Variants in MINDY2 observed in about 807,000 individuals in gnomAD.
The protein encoded by MINDY2 is ubiquitin carboxyl-terminal hydrolase MINDY-2.
MINDY2 carries 52 observed loss-of-function variants against 68.2 expected under a neutral mutation model. The ratio of observed to expected loss-of-function variants is 0.76; its 90% CI spans 0.61 to 0.96. MINDY2 has a LOEUF of 0.96. Ranked by LOEUF, MINDY2 falls within the 40% of genes least tolerant of loss-of-function variation. The pLI, the probability that MINDY2 is intolerant of heterozygous loss-of-function variation, is 0.00. For synonymous variants in MINDY2, 372 were observed against 303.0 expected, an observed-to-expected ratio of 1.23 and a Z score of -2.36; for missense variants, 881 against 773.4, an observed-to-expected ratio of 1.14 and a Z score of -1.65.
In MINDY2 at chr15:58,771,334, C is replaced by T. The variant is rs1595687753; in HGVS notation, c.-62C>T. The stretch of plus-strand genomic sequence containing the variant: ...CTGCCAATACAGCTGTCATGGCGTC[C>T]AAGGCGCTGGCTGCGGAGAAGTGGC... On this transcript the variant is annotated 5_prime_UTR_variant, in exon 1 of 9. Transcript: ENST00000559228. 1 of 1,548,776 alleles carries T rather than the reference C, an allele frequency of 6.5e-7. No homozygotes were observed. Among genetic ancestry groups the T allele is most frequent in the African/African-American group, 1.4e-5 (1 of 73,398 alleles).
chr15:58,853,618 A>G (rs1484539732), intron 8 of MINDY2, among the ~76,000 whole-genome samples: 1 of 152,028 alleles, frequency 6.6e-6, no homozygotes, highest in Non-Finnish European at 1.5e-5. Flanking sequence ...CAGGAGTTCG[A>G]GACCAGCCTG....
intron 4 of MINDY2, among the ~76,000 whole-genome samples, chr15:58,817,300 T>G (rs2030749805): frequency 6.6e-6 from 1 of 152,184 alleles, no homozygotes; most frequent in Non-Finnish European, 1.5e-5. Flanking sequence ...AGCAAATGAC[T>G]TGAATAGGCA....
Position 58,771,929 on chromosome 15 carries a change from G to T in MINDY2, c.534G>T (p.Ser178=). The part of the protein sequence containing the change: ...GESPSLDSLE[S]FSNLHSFPSS... Reference sequence around the variant, plus strand: ...CTCCGAGCCTGGACTCTCTGGAGTCGTTCTCTAACCTGCATTCTTTTCCCA... The same window carrying T: ...CTCCGAGCCTGGACTCTCTGGAGTCTTTCTCTAACCTGCATTCTTTTCCCA... The change falls in exon 1 of 9, where the codon TCG becomes TCT. Residue 178 remains serine (S), a synonymous_variant. Coordinates refer to ENST00000559228, the MANE Select transcript of MINDY2 (RefSeq NM_001040450.3). The T allele has an allele frequency of 6.4e-7, 1 of 1,553,518 alleles. No homozygotes were observed. The highest frequency in any genetic ancestry group is 8.7e-7 in the Non-Finnish European group (1 of 1,151,640).
intron 2 of MINDY2, chr15:58,796,212 C>T (rs1458658311): frequency 6.7e-6 from 3 of 448,664 alleles, no homozygotes; most frequent in East Asian, 7.0e-5. Context: ...GACTTGTATC[C>T]GGCTTTGAAG....
intron 1 of MINDY2, among the ~76,000 whole-genome samples, chr15:58,785,868 C>T (rs1218389191): frequency 2.6e-5 from 4 of 151,930 alleles, no homozygotes; most frequent in Non-Finnish European, 4.4e-5. Context: ...TAGTAAAGTC[C>T]GTGTTTCACC....
intron 6 of MINDY2, among the ~76,000 whole-genome samples, chr15:58,847,070 C>G (rs1479013093): frequency 6.6e-6 from 1 of 152,036 alleles, no homozygotes; most frequent in Admixed American, 6.6e-5. Flanking sequence ...GCCAAGAGCT[C>G]TTATTTCTTG....
At position 58,827,447 on chromosome 15, in the gene MINDY2, T is replaced by A. The variant is rs546599726; in HGVS notation, c.1226-4327T>A. On this transcript the variant is annotated intron_variant, in intron 5 of 8. Transcript: ENST00000559228. ...TCTTTCCCCATTAAAAAAAATTGTA[T>A]CCATATAAACTCATGGATTCCTTTT... Among the ~76,000 whole-genome samples the A allele has an allele frequency of 5.5e-4, 83 of 152,268 alleles. No homozygotes were observed. In the Middle Eastern group the frequency reaches 0.02, roughly 37 times the overall value.
intron 7 of MINDY2, among the ~76,000 whole-genome samples, chr15:58,850,948 G>GA (rs1392751038): frequency 5.3e-5 from 8 of 151,940 alleles, no homozygotes; most frequent in Non-Finnish European, 1.0e-4. Flanking sequence ...ATGGCTTCCA[G>GA]AAAAAATTTC....
chr15:58,839,092 T>A (rs964316514), intron 6 of MINDY2, among the ~76,000 whole-genome samples: 16 of 152,208 alleles, frequency 1.1e-4, no homozygotes, highest in Non-Finnish European at 1.8e-4. Context: ...AAAGTTTTTT[T>A]AAATATTTAT....
chr15:58,831,707 T>C lies in MINDY2; in HGVS notation c.1226-67T>C, dbSNP rs1422590189. On this transcript the variant is annotated intron_variant, in intron 5 of 8. Transcript: ENST00000559228. ...TTCCATACTTGGAACACACTTTAAA[T>C]AGAAAAAGAATAACTTTTTGATTTT... 7 of 1,442,170 alleles carry C rather than the reference T, an allele frequency of 4.9e-6. No individual in the cohort carries two copies. The Admixed American group carries it at 1.5e-4, about 30-fold the overall frequency. 89.3% of individuals were successfully genotyped at this position (1,442,170 alleles called of 1,614,324 possible). A position where few individuals can be genotyped will look rare whatever the true frequency, so the allele number is the denominator to read the frequency against.
rs1388710878 is a variant in MINDY2 at position 58,860,926 on chromosome 15, T to G, written c.*6316T>G. On this transcript the variant is annotated 3_prime_UTR_variant, in exon 9 of 9. Transcript: ENST00000559228. ...GAGGTTTTGAAAAGCCCTCAGAGGTTTTTGTTAAAAGACTATCTTGCTTAA... is the reference window on the plus strand; with the variant it reads ...GAGGTTTTGAAAAGCCCTCAGAGGTGTTTGTTAAAAGACTATCTTGCTTAA... 2 of 151,358 alleles carry G rather than the reference T, an allele frequency of 1.3e-5. No individual in the cohort carries two copies. The highest frequency in any genetic ancestry group is 6.7e-5 in the Admixed American group (1 of 15,028). The allele number at this position is 151,358 out of a possible 1,614,324, so 9.4% of individuals were successfully genotyped here.
At chr15:58,823,580 A>T (rs1229048107) in intron 5 of MINDY2, among the ~76,000 whole-genome samples, 1 of 152,046 alleles carries the variant, frequency 6.6e-6, no homozygotes, top group African/African-American at 2.4e-5. Context: ...CTGAAAGATC[A>T]CTTGAGCCCA....
At chr15:58,794,355 TGGG>T (rs202127103) in intron 2 of MINDY2, among the ~76,000 whole-genome samples, 1 of 100,612 alleles carries the variant, frequency 9.9e-6, no homozygotes, top group African/African-American at 4.4e-5. Context: ...AAGTTTTTTT[TGGG>T]GTGTGTGTGT....
intron 2 of MINDY2, 104 bp from the exon 3 acceptor site, chr15:58,802,209 A>G: frequency 4.0e-6 from 3 of 741,482 alleles, no homozygotes; most frequent in East Asian, 2.8e-5. Flanking sequence ...TATGTCAACT[A>G]TAGCTACAGT....
At chr15:58,825,879 T>A (rs2031362697) in intron 5 of MINDY2, among the ~76,000 whole-genome samples, 1 of 152,120 alleles carries the variant, frequency 6.6e-6, no homozygotes, top group Non-Finnish European at 1.5e-5. Context: ...GTGCTGGGAT[T>A]ACAGGCGTGA....
chr15:58,851,715 C>A, intron 7 of MINDY2, 56 bp from the exon 8 acceptor site: 1 of 1,311,314 alleles, frequency 7.6e-7, no homozygotes, highest in South Asian at 1.5e-5. Flanking sequence ...TATTTGCAGT[C>A]ATTCATTCTT....
intron 3 of MINDY2, 144 bp from the exon 4 acceptor site, chr15:58,810,083 ATAG>A (rs1427048150): frequency 1.4e-6 from 1 of 700,856 alleles, no homozygotes; most frequent in African/African-American, 1.8e-5. Flanking sequence ...CTTCTGACAC[ATAG>A]TAGATACTCA....
chr15:58,851,979 T>C lies in MINDY2; in HGVS notation c.1737+14T>C, dbSNP rs1172489696. 6 of 1,561,552 alleles carry C rather than the reference T, an allele frequency of 3.8e-6. No individual in the cohort carries two copies. Among genetic ancestry groups the C allele is most frequent in the African/African-American group, 1.4e-5 (1 of 71,638 alleles). On this transcript the variant is annotated intron_variant, in intron 8 of 8. Transcript: ENST00000559228. The stretch of plus-strand genomic sequence containing the variant: ...ACACAGGCTCAGGTAAAAACTAGTG[T>C]TTTGAGTCTTAAATGTGATGATCAT...
At chr15:58,797,527 A>G (rs1902363309) in intron 2 of MINDY2, among the ~76,000 whole-genome samples, 1 of 152,160 alleles carries the variant, frequency 6.6e-6, no homozygotes, top group Admixed American at 6.6e-5. Context: ...AACAAAAAAG[A>G]TTAATTTTAC....
Sources: allele counts gnomAD v4.1 joint callset (sites outside exome capture counted in the v4.1 genomes callset), GRCh38; gene constraint gnomAD v4.1.1; transcripts MANE v1.5; gene names NCBI Gene and HGNC (gene_info 2026-07-23, HGNC 2026-07-21).